SCGN: variants seen among roughly 807,000 people sequenced by gnomAD.
SCGN encodes secretagogin, EF-hand calcium binding protein, also known as secretagogin.
Under a neutral mutation model 39.7 loss-of-function variants are expected in SCGN, and 30 were observed. That is an observed-to-expected ratio of 0.76 (90% CI 0.57 to 1.03). The LOEUF is 1.03. SCGN is among the 50% of genes least tolerant of loss of function. SCGN has a pLI of 0.00. For synonymous variants in SCGN, 106 were observed against 114.1 expected, an observed-to-expected ratio of 0.93 and a Z score of 0.45; for missense variants, 353 against 349.4, an observed-to-expected ratio of 1.01 and a Z score of -0.08.
intron 10 of SCGN, among the ~76,000 whole-genome samples, chr6:25,699,589 C>CAAAA (rs35915067): frequency 3.0e-4 from 16 of 53,778 alleles, no homozygotes; most frequent in Non-Finnish European, 4.5e-4. Context: ...AACTCTGTCT[C>CAAAA]AAAAAAAAAA....
At chr6:25,664,451 C>T (rs12529390) in intron 3 of SCGN, among the ~76,000 whole-genome samples, 41,538 of 152,024 alleles carry the variant, frequency 0.27, 5,687 homozygotes, top group African/African-American at 0.3. Flanking sequence ...CCAGTTTCCT[C>T]AACTAGAAAA....
rs747845026 is a variant in SCGN, at chr6:25,701,249, C to T, written c.745C>T (p.Leu249Phe). The T allele has an allele frequency of 1.2e-6, 2 of 1,613,632 alleles. No individual in the cohort carries two copies. The highest frequency in any genetic ancestry group is 3.3e-5 in the Admixed American group (2 of 59,932). ...GVDLDKFREI[L>F]LRHCDVNKDG... ...GGACCTTGATAAGTTCCGCGAGATT[C>T]TCCTGCGTCACTGCGACGTGAACAA... The change falls in exon 11 of 11, where the codon CTC (leucine) becomes TTC (phenylalanine). Residue 249 changes from leucine to phenylalanine, a missense_variant. Physicochemically the swap from Leu to Phe is conservative, Grantham distance 22. Transcript: ENST00000377961.
intron 1 of SCGN, among the ~76,000 whole-genome samples, chr6:25,652,828 G>A (rs1362430530): frequency 1.3e-5 from 2 of 151,960 alleles, no homozygotes; most frequent in Non-Finnish European, 2.9e-5. Flanking sequence ...TCAGCTATTT[G>A]AAGTCATCCT....
At chr6:25,684,821 G>GA (rs542380985) in intron 7 of SCGN, among the ~76,000 whole-genome samples, 1 of 151,094 alleles carries the variant, frequency 6.6e-6, no homozygotes, top group East Asian at 1.9e-4. Flanking sequence ...AAAAAGAAAG[G>GA]AAAAAAAAGA....
chr6:25,693,353 T>A (rs4566883), intron 10 of SCGN, among the ~76,000 whole-genome samples: 2 of 149,396 alleles, frequency 1.3e-5, no homozygotes, highest in Non-Finnish European at 3.0e-5. Context: ...TCAGGAGGCT[T>A]AGGCAGGAGA....
At chr6:25,665,643 G>C (rs1760410930) in intron 4 of SCGN, among the ~76,000 whole-genome samples, 2 of 152,178 alleles carry the variant, frequency 1.3e-5, no homozygotes, top group African/African-American at 4.8e-5. Context: ...AACCAGGGAA[G>C]GGCAGATAAG....
chr6:25,660,027 A>T (rs1233779104), intron 2 of SCGN, among the ~76,000 whole-genome samples: 1 of 152,194 alleles, frequency 6.6e-6, no homozygotes, highest in African/African-American at 2.4e-5. Flanking sequence ...AGCACAAAAG[A>T]AAAAAACAAG....
intron 3 of SCGN, among the ~76,000 whole-genome samples, chr6:25,664,301 A>G (rs1159616008): frequency 6.6e-6 from 1 of 152,228 alleles, no homozygotes; most frequent in Non-Finnish European, 1.5e-5. Context: ...CTGCTTTTGC[A>G]CTGAAATATT....
At position 25,669,547 on chromosome 6, in the gene SCGN, A is replaced by G; in HGVS notation, c.373A>G (p.Ile125Val). 1 of 1,613,508 alleles carries G rather than the reference A, an allele frequency of 6.2e-7. No homozygotes were observed. The highest frequency in any genetic ancestry group is 8.5e-7 in the Non-Finnish European group (1 of 1,179,492). The change falls in exon 5 of 11, where the codon ATA becomes GTA. Residue 125 changes from isoleucine to valine, a missense_variant. Physicochemically the swap from Ile to Val is conservative, Grantham distance 29. Transcript: ENST00000377961. Reference protein sequence around the residue: ...RKYDADSSGFISAAELRNFLR... With the variant: ...RKYDADSSGFVSAAELRNFLR... ...ATATGACGCTGACAGCAGTGGCTTTATATCAGCTGCTGAGCTCCGCGTGAG... is the reference window on the plus strand; with the variant it reads ...ATATGACGCTGACAGCAGTGGCTTTGTATCAGCTGCTGAGCTCCGCGTGAG...
In SCGN at chr6:25,653,386, AG is replaced by A. The variant is rs1760169216; in HGVS notation, c.89del (p.Gly30ValfsTer3). 3 of 1,603,172 alleles carry A rather than the reference AG, an allele frequency of 1.9e-6. No homozygotes were observed. The highest frequency in any genetic ancestry group is 2.6e-6 in the Non-Finnish European group (3 of 1,170,970). On this transcript the variant is annotated frameshift_variant, in exon 2 of 11. Coordinates refer to ENST00000377961, the MANE Select transcript of SCGN (RefSeq NM_006998.4). LOFTEE classifies it high-confidence loss of function. ...TGTTTATTTTCTCACATTTAGAAAA[AG>A]GTTACATAGAAGAGAAGGAACTCGA... ...VWQRFDADEKGYIEEKELDAF... is the reference protein window; with the variant it reads ...VWQRFDADEKXYIEEKELDAF...
At chr6:25,655,503 C>T (rs1760211538) in intron 2 of SCGN, among the ~76,000 whole-genome samples, 1 of 152,154 alleles carries the variant, frequency 6.6e-6, no homozygotes, top group Non-Finnish European at 1.5e-5. Flanking sequence ...TGCTCTTACA[C>T]AGGGGCAAGC....
chr6:25,700,262 A>AAAT (rs372443335), intron 10 of SCGN, among the ~76,000 whole-genome samples: 3 of 150,396 alleles, frequency 2.0e-5, no homozygotes, highest in Non-Finnish European at 4.4e-5. Context: ...AAAAAAAAAA[A>AAAT]TTTTGGGCCA....
chr6:25,689,976 A>G (rs1190005423), intron 9 of SCGN, among the ~76,000 whole-genome samples: 2 of 152,230 alleles, frequency 1.3e-5, no homozygotes, highest in Non-Finnish European at 2.9e-5. Flanking sequence ...AGTACAAAGT[A>G]TGGCAAAGAG....
intron 6 of SCGN, among the ~76,000 whole-genome samples, chr6:25,672,043 T>TC (rs1382605259): frequency 3.9e-5 from 6 of 152,134 alleles, no homozygotes; most frequent in Admixed American, 1.3e-4. Context: ...TAGCTCAGCT[T>TC]CCCCCCTCAC....
intron 10 of SCGN, among the ~76,000 whole-genome samples, chr6:25,692,955 C>A (rs776228311): frequency 3.3e-5 from 5 of 152,104 alleles, no homozygotes; most frequent in Admixed American, 1.3e-4. Flanking sequence ...CAGATCTGAG[C>A]TTTAATTCCA....
chr6:25,696,859 C>T (rs952508315), intron 10 of SCGN, among the ~76,000 whole-genome samples: 1 of 152,122 alleles, frequency 6.6e-6, no homozygotes, highest in South Asian at 2.1e-4. Context: ...AGGGACTTAA[C>T]GTGCTGCCAT....
Position 25,696,805 on chromosome 6 carries a change from T to C in SCGN, c.703-4402T>C, listed in dbSNP as rs564151748. 1.2e-4 allele frequency among the ~76,000 whole-genome samples: 19 copies of C among 152,328 alleles called. No homozygotes were observed. The South Asian group carries it at 3.5e-3, about 28-fold the overall frequency. ...ACCTAGCTTTGTCTATCACGGAAGA[T>C]AGCATTCTGGTATATATACTATATG... is the stretch of plus-strand genomic sequence containing the variant. On this transcript the variant is annotated intron_variant, in intron 10 of 10. Transcript: ENST00000377961.
intron 2 of SCGN, among the ~76,000 whole-genome samples, chr6:25,658,413 A>G (rs1412160662): frequency 6.6e-6 from 1 of 151,834 alleles, no homozygotes. Context: ...TGTTTGGTTG[A>G]TGTTGACAGA....
chr6:25,681,974 AGATGGTCG>A lies in SCGN; in HGVS notation c.497_504del (p.Asp166ValfsTer5), dbSNP rs1759642096. 1 of 1,613,668 alleles carries A rather than the reference AGATGGTCG, an allele frequency of 6.2e-7. No individual in the cohort carries two copies. Among genetic ancestry groups the A allele is most frequent in the African/African-American group, 1.3e-5 (1 of 74,958 alleles). ...AGATGAAGATTTTTGACAGAAATAA[AGATGGTCG>A]GTTGGATCTAAATGACTTAGCAAGG... On this transcript the variant is annotated frameshift_variant, in exon 7 of 11. Coordinates refer to ENST00000377961, the MANE Select transcript of SCGN (RefSeq NM_006998.4). LOFTEE classifies it high-confidence loss of function.
Sources: allele counts gnomAD v4.1 joint callset (sites outside exome capture counted in the v4.1 genomes callset), GRCh38; gene constraint gnomAD v4.1.1; transcripts MANE v1.5; gene names NCBI Gene and HGNC (gene_info 2026-07-23, HGNC 2026-07-21).